ZFR2: variants seen among roughly 807,000 people sequenced by gnomAD.
The protein encoded by ZFR2 is zinc finger RNA binding protein 2.
Under a neutral mutation model 105.7 loss-of-function variants are expected in ZFR2, and 104 were observed. That is an observed-to-expected ratio of 0.98 (90% CI 0.84 to 1.16). The LOEUF is 1.16. Ranked by LOEUF, ZFR2 falls within the 50% of genes most tolerant of loss-of-function variation. The pLI is 0.00. For synonymous variants in ZFR2, 634 were observed against 597.7 expected, an observed-to-expected ratio of 1.06 and a Z score of -0.89; for missense variants, 1,425 against 1,355.5, an observed-to-expected ratio of 1.05 and a Z score of -0.80.
intron 1 of ZFR2, among the ~76,000 whole-genome samples, chr19:3,860,168 C>CTACA (rs1433371250): frequency 1.3e-5 from 2 of 151,000 alleles, no homozygotes; most frequent in African/African-American, 2.4e-5. Context: ...GTAGCTGGAA[C>CTACA]TACAGGTGTG....
intron 3 of ZFR2, among the ~76,000 whole-genome samples, chr19:3,832,284 G>A (rs1052401902): frequency 1.3e-5 from 2 of 151,970 alleles, no homozygotes; most frequent in African/African-American, 4.8e-5. Context: ...CCAGCTCTGA[G>A]GCTCACCTGC....
intron 11 of ZFR2, among the ~76,000 whole-genome samples, chr19:3,819,812 C>T (rs1028520406): frequency 3.4e-5 from 5 of 147,548 alleles, no homozygotes; most frequent in South Asian, 2.1e-4. Context: ...ACGATTGCAC[C>T]GCTACACTCC....
intron 1 of ZFR2, among the ~76,000 whole-genome samples, chr19:3,849,751 G>T (rs1599249899): frequency 6.6e-6 from 1 of 152,172 alleles, no homozygotes; most frequent in Non-Finnish European, 1.5e-5. Flanking sequence ...GACAGTGAAT[G>T]AAAAAGAACA....
At chr19:3,856,718 C>G (rs28678879) in intron 1 of ZFR2, among the ~76,000 whole-genome samples, 29 of 152,254 alleles carry the variant, frequency 1.9e-4, no homozygotes, top group African/African-American at 6.5e-4. Flanking sequence ...TACGATGTAG[C>G]CCAGGGTAGC....
At chr19:3,810,909 G>C in intron 15 of ZFR2, 64 bp from the exon 16 acceptor site, 2 of 1,518,220 alleles carry the variant, frequency 1.3e-6, no homozygotes, top group South Asian at 1.2e-5. Context: ...ATGGCGCCGG[G>C]CTCTGTCGTG....
chr19:3,844,983 C>T (rs1002874507), intron 1 of ZFR2, among the ~76,000 whole-genome samples: 11 of 149,790 alleles, frequency 7.3e-5, no homozygotes, highest in Middle Eastern at 3.4e-3. Context: ...CCAAGTACCA[C>T]AGCTGGGTGG....
chr19:3,867,754 C>T (rs1411760113), intron 1 of ZFR2, among the ~76,000 whole-genome samples: 3 of 152,048 alleles, frequency 2.0e-5, no homozygotes, highest in Non-Finnish European at 4.4e-5. Flanking sequence ...AGTCTCTGTC[C>T]CCCTTCCCCA....
intron 1 of ZFR2, among the ~76,000 whole-genome samples, chr19:3,853,278 C>T (rs111589764): frequency 0.034 from 5,134 of 152,220 alleles, 111 homozygotes; most frequent in Non-Finnish European, 0.049. Flanking sequence ...CCAGCGTGGG[C>T]GGTCACGCTG....
At chr19:3,833,553 G>T (rs1445449957) in intron 3 of ZFR2, 111 bp downstream of exon 3, 6 of 846,778 alleles carry the variant, frequency 7.1e-6, no homozygotes, top group Non-Finnish European at 1.1e-5. Flanking sequence ...TCCAGCCTGG[G>T]CAACAGAGCG....
intron 1 of ZFR2, among the ~76,000 whole-genome samples, chr19:3,845,491 A>G (rs1055840218): frequency 6.6e-6 from 1 of 151,142 alleles, no homozygotes; most frequent in Non-Finnish European, 1.5e-5. Flanking sequence ...AGAAAAAAAA[A>G]AAAGGTAAAA....
At position 3,827,671 on chromosome 19, in the gene ZFR2, A is replaced by G. The variant is rs372832983; in HGVS notation, c.853-18T>C. On this transcript the variant is annotated intron_variant, in intron 5 of 18. Coordinates refer to ENST00000262961, the MANE Select transcript of ZFR2 (RefSeq NM_015174.2). Reference sequence around the variant, plus strand: ...CGGTAGGTCTGCGGCAAGGGGTGAGAGGCAGCCTGGGCGGGGGTTTGCACA... The same window carrying G: ...CGGTAGGTCTGCGGCAAGGGGTGAGGGGCAGCCTGGGCGGGGGTTTGCACA... The G allele has an allele frequency of 3.1e-5, 48 of 1,568,472 alleles. No homozygotes were observed. In the African/African-American group the frequency reaches 6.3e-4, roughly 20 times the overall value.
At chr19:3,867,314 A>G (rs1438266617) in intron 1 of ZFR2, among the ~76,000 whole-genome samples, 4 of 144,268 alleles carry the variant, frequency 2.8e-5, no homozygotes, top group African/African-American at 8.0e-5. Context: ...TGGGGGGGGA[A>G]TCTGGTCCCC....
Position 3,838,057 on chromosome 19 carries a change from G to A in ZFR2, c.54-3074C>T, listed in dbSNP as rs529038849. Among the ~76,000 whole-genome samples the A allele has an allele frequency of 7.7e-4, 115 of 150,060 alleles. No homozygotes were observed. Among genetic ancestry groups the A allele is most frequent in the African/African-American group, 2.1e-3 (84 of 40,704 alleles). On this transcript the variant is annotated intron_variant, in intron 1 of 18. Transcript: ENST00000262961. This position sits in a 1 kb window ranked among gnomAD's most constrained non-coding sequence, Gnocchi z 4.9. ...GTGACACACGATGAACACCATGACC[G>A]TGACACGTGATGAACACCATGACCG...
chr19:3,856,178 A>G (rs1355027192), intron 1 of ZFR2, among the ~76,000 whole-genome samples: 3 of 152,150 alleles, frequency 2.0e-5, no homozygotes, highest in Admixed American at 2.0e-4. Flanking sequence ...ATCTGCACGA[A>G]GGACTGCCGG....
chr19:3,841,559 C>T (rs919260628), intron 1 of ZFR2, among the ~76,000 whole-genome samples: 1 of 151,942 alleles, frequency 6.6e-6, no homozygotes, highest in Non-Finnish European at 1.5e-5. Flanking sequence ...TGGTGGAGCA[C>T]CTGTAGTCCC....
chr19:3,843,764 G>A (rs1304955160), intron 1 of ZFR2, among the ~76,000 whole-genome samples: 2 of 151,424 alleles, frequency 1.3e-5, no homozygotes, highest in African/African-American at 4.9e-5. Flanking sequence ...GAACCTGGGA[G>A]GCGGAGCTTG....
chr19:3,820,959 G>A (rs1218399584), intron 10 of ZFR2, among the ~76,000 whole-genome samples: 1 of 92,480 alleles, frequency 1.1e-5, no homozygotes. Context: ...AGAGGTCGGT[G>A]GACACAGGGA....
intron 3 of ZFR2, among the ~76,000 whole-genome samples, chr19:3,832,471 G>C (rs1190055790): frequency 1.3e-5 from 2 of 151,500 alleles, no homozygotes; most frequent in Non-Finnish European, 2.9e-5. Flanking sequence ...ACAAGCATGC[G>C]CCACCCTGCC....
rs112296620 is a variant in ZFR2 at position 3,825,425 on chromosome 19, G to A, written c.1036-18C>T. On this transcript the variant is annotated intron_variant, in intron 6 of 18. Transcript: ENST00000262961. ...TTGAAGACCTGCAACAGACAGAGCC[G>A]GGCTCCCGCGTGAGGGCCGCTCCCA... The A allele has an allele frequency of 7.0e-4, 1,086 of 1,553,662 alleles. 13 individuals are homozygous for A. The African/African-American group carries it at 0.014, about 19-fold the overall frequency.
Sources: allele counts gnomAD v4.1 joint callset (sites outside exome capture counted in the v4.1 genomes callset), GRCh38; gene constraint gnomAD v4.1.1; non-coding constraint Gnocchi (gnomAD v3.1); transcripts MANE v1.5; gene names NCBI Gene and HGNC (gene_info 2026-07-23, HGNC 2026-07-21).